The following COPS2 variants were observed in gnomAD, a reference collection of about 807,000 sequenced individuals.
The protein encoded by COPS2 is COP9 signalosome subunit 2.
COPS2 carries 10 observed loss-of-function variants against 66.1 expected under a neutral mutation model. The ratio of observed to expected loss-of-function variants is 0.15; its 90% CI spans 0.09 to 0.26. The LOEUF is 0.26. COPS2 is among the 10% of genes least tolerant of loss of function. COPS2 has a pLI of 1.00. For missense variants in COPS2, 215 were observed against 513.3 expected (o/e 0.42, Z 5.62); for synonymous variants, 179 against 171.3 (o/e 1.04, Z -0.35).
At chr15:49,153,543 T>C (rs2084376971) in intron 1 of COPS2, among the ~76,000 whole-genome samples, 1 of 151,820 alleles carries the variant, frequency 6.6e-6, no homozygotes, top group Non-Finnish European at 1.5e-5. Context: ...CACTCCTGGG[T>C]TTATCCAAAG....
At chr15:49,143,715 G>C (rs899325024) in intron 3 of COPS2, among the ~76,000 whole-genome samples, 1 of 152,156 alleles carries the variant, frequency 6.6e-6, no homozygotes, top group Admixed American at 6.5e-5. Flanking sequence ...GGCAGGGTGC[G>C]GTGGCTCACG....
rs1241211631 is a variant in COPS2 at position 49,128,102 on chromosome 15, GA to G, written c.1188-9del. 1 of 1,610,612 alleles carries G rather than the reference GA, an allele frequency of 6.2e-7. No homozygotes were observed. The highest frequency in any genetic ancestry group is 2.2e-5 in the East Asian group (1 of 44,748). On this transcript the variant is annotated splice_polypyrimidine_tract_variant and intron_variant, in intron 12 of 12. Transcript: ENST00000388901. ...ATTCGGCCATGAATAGTGCTAGAAA[GA>G]AATAAATAAGATGTGTCTACAAAAG...
At chr15:49,152,013 T>C (rs1245677309) in intron 1 of COPS2, among the ~76,000 whole-genome samples, 1 of 151,950 alleles carries the variant, frequency 6.6e-6, no homozygotes, top group East Asian at 1.9e-4. Flanking sequence ...CCAATAAAGA[T>C]ATGCTGAGTA....
chr15:49,128,729 C>T lies in COPS2; in HGVS notation c.1160G>A (p.Ser387Asn). 2 of 1,609,542 alleles carry T rather than the reference C, an allele frequency of 1.2e-6. No homozygotes were observed. Among genetic ancestry groups the T allele is most frequent in the South Asian group, 1.1e-5 (1 of 90,550 alleles). ...ATCCAATATGCACTGCACCAGCAAG[C>T]TCTCCACATCAGCTACATCTATGTT... ...ELNIDVADVE[S>N]LLVQCILDNT... The change falls in exon 12 of 13, where the codon AGC becomes AAC. Residue 387 changes from serine to asparagine, a missense_variant. This residue lies in a region of COPS2 where 56 missense variants were observed against 173.6 expected (regional missense o/e 0.32). Coordinates refer to ENST00000388901, the MANE Select transcript of COPS2 (RefSeq NM_004236.4).
At chr15:49,145,583 A>G (rs1455086580) in intron 1 of COPS2, among the ~76,000 whole-genome samples, 4 of 152,168 alleles carry the variant, frequency 2.6e-5, no homozygotes, top group Non-Finnish European at 5.9e-5. Flanking sequence ...ACTAAATATA[A>G]TTATGTTAAT....
chr15:49,151,257 G>A (rs1207093722), intron 1 of COPS2, among the ~76,000 whole-genome samples: 5 of 151,870 alleles, frequency 3.3e-5, no homozygotes, highest in East Asian at 3.9e-4. Context: ...AAAATTAGCC[G>A]GGCATGGTGG....
At chr15:49,140,111 C>A (rs944006634) in intron 3 of COPS2, among the ~76,000 whole-genome samples, 1 of 152,086 alleles carries the variant, frequency 6.6e-6, no homozygotes, top group African/African-American at 2.4e-5. Flanking sequence ...CTCAGCCCTC[C>A]AAGTAGCTGG....
chr15:49,140,055 T>G (rs1302341511), intron 3 of COPS2, among the ~76,000 whole-genome samples: 3 of 152,262 alleles, frequency 2.0e-5, no homozygotes, highest in Admixed American at 1.3e-4. Context: ...GGCGCGATCT[T>G]GACTCACCGC....
At position 49,130,709 on chromosome 15, in the gene COPS2, A is replaced by G. The variant is rs778876308; in HGVS notation, c.1045+10T>C. ...AAAGTAATAGAATCCAGTTGGCAGA[A>G]AGAACATACCTTCAATGTGTTCTCT... On this transcript the variant is annotated intron_variant, in intron 10 of 12. Transcript: ENST00000388901. 2.0e-6 allele frequency: 3 copies of G among 1,513,710 alleles called. No individual in the cohort carries two copies. The East Asian group carries it at 6.8e-5, about 34-fold the overall frequency. 93.8% of individuals were successfully genotyped at this position (1,513,710 alleles called of 1,614,324 possible).
chr15:49,141,275 T>C (rs888537015), intron 3 of COPS2, among the ~76,000 whole-genome samples: 2 of 152,152 alleles, frequency 1.3e-5, no homozygotes, highest in Non-Finnish European at 2.9e-5. Flanking sequence ...GCTGTGAGCA[T>C]TGCTTAAGTC....
chr15:49,154,069 A>G (rs989859325), intron 1 of COPS2, among the ~76,000 whole-genome samples: 1 of 152,228 alleles, frequency 6.6e-6, no homozygotes, highest in Non-Finnish European at 1.5e-5. Context: ...TGATAAAAAC[A>G]CAAGGTGATG....
intron 6 of COPS2, among the ~76,000 whole-genome samples, chr15:49,134,875 A>C (rs143924534): frequency 2.1e-5 from 3 of 146,028 alleles, no homozygotes; most frequent in Admixed American, 6.8e-5. Flanking sequence ...AGGTTCTTGG[A>C]AACCATGACC....
intron 1 of COPS2, among the ~76,000 whole-genome samples, 177 bp downstream of exon 1, chr15:49,155,348 G>T (rs768251050): frequency 1.8e-4 from 28 of 152,202 alleles, no homozygotes; most frequent in Non-Finnish European, 4.1e-4. Flanking sequence ...CCCCATGCTG[G>T]AGAAGCAGGG....
In COPS2 at chr15:49,134,446, T is replaced by C. The variant is rs747588578; in HGVS notation, c.609A>G (p.Gln203=). ...TGTTATTTTTCTGTGCTGTGTACATTTGAATTTCCAAAGCATATATTTCTA... is the reference window on the plus strand; with the variant it reads ...TGTTATTTTTCTGTGCTGTGTACATCTGAATTTCCAAAGCATATATTTCTA... ...QLLEIYALEI[Q]MYTAQKNNKK... Residue 203 remains glutamine (Q), a synonymous_variant, in exon 7 of 13, where the codon CAA becomes CAG. Transcript: ENST00000388901. 1.2e-6 allele frequency: 2 copies of C among 1,612,902 alleles called. No individual in the cohort carries two copies. The highest frequency in any genetic ancestry group is 1.7e-6 in the Non-Finnish European group (2 of 1,179,706).
At position 49,127,647 on chromosome 15, in the gene COPS2, C is replaced by T. The variant is rs1027303739; in HGVS notation, c.*303G>A. ...CGTGTCAGTGTATTTAAAATCATGA[C>T]AAAAATCTTCTCTCTGGTCATGTTG... is the stretch of plus-strand genomic sequence containing the variant. On this transcript the variant is annotated 3_prime_UTR_variant, in exon 13 of 13. Coordinates refer to ENST00000388901, the MANE Select transcript of COPS2 (RefSeq NM_004236.4). 1 of 240,510 alleles carries T rather than the reference C, an allele frequency of 4.2e-6. No individual in the cohort carries two copies. Among genetic ancestry groups the T allele is most frequent in the African/African-American group, 2.2e-5 (1 of 44,520 alleles). 14.9% of individuals were successfully genotyped at this position (240,510 alleles called of 1,614,324 possible).
chr15:49,132,852 G>A (rs2084222074), intron 9 of COPS2, among the ~76,000 whole-genome samples: 1 of 151,900 alleles, frequency 6.6e-6, no homozygotes, highest in Non-Finnish European at 1.5e-5. Context: ...AATATTAATT[G>A]ACTATGGTAG....
rs531278907 is a variant in COPS2 at position 49,128,954 on chromosome 15, T to G, written c.1129-194A>C. On this transcript the variant is annotated intron_variant, in intron 11 of 12. Transcript: ENST00000388901. Reference sequence around the variant, plus strand: ...GATAAAGACTTAAATTTTTAACTTCTGAAGCACATTCCTGCAACAATTTTA... The same window carrying G: ...GATAAAGACTTAAATTTTTAACTTCGGAAGCACATTCCTGCAACAATTTTA... Among the ~76,000 whole-genome samples the G allele has an allele frequency of 2.6e-5, 4 of 152,348 alleles. No individual in the cohort carries two copies. In the East Asian group the frequency reaches 7.7e-4, roughly 29 times the overall value.
intron 8 of COPS2, 36 bp from the exon 9 acceptor site, chr15:49,133,847 C>T (rs2084233219): frequency 1.3e-6 from 2 of 1,549,758 alleles, no homozygotes; most frequent in Non-Finnish European, 1.7e-6. Context: ...AATATATGTA[C>T]AAAGAAACAA....
chr15:49,144,172 TGA>T (rs1394121173), intron 3 of COPS2, 53 bp downstream of exon 3: 1 of 1,087,204 alleles, frequency 9.2e-7, no homozygotes. Flanking sequence ...TTTGTCGTGA[TGA>T]GGTTTTTACC....
Sources: allele counts gnomAD v4.1 joint callset (sites outside exome capture counted in the v4.1 genomes callset), GRCh38; gene constraint gnomAD v4.1.1; regional missense constraint gnomAD v4.1.1; transcripts MANE v1.5; gene names NCBI Gene and HGNC (gene_info 2026-07-23, HGNC 2026-07-21).